STXBP5L: variants seen among roughly 807,000 people sequenced by gnomAD.
The protein encoded by STXBP5L is syntaxin binding protein 5L, also known as syntaxin-binding protein 5-like.
STXBP5L carries 65 observed loss-of-function variants against 144.5 expected under a neutral mutation model. The observed-to-expected ratio is 0.45, with a 90% CI of 0.37 to 0.55. The LOEUF (loss-of-function observed/expected upper bound fraction) is 0.55. STXBP5L is among the 20% of genes least tolerant of loss of function. The probability of loss-of-function intolerance (pLI) is 0.00; values close to 1 mark genes in which losing one functional copy is unlikely to be tolerated. For synonymous variants in STXBP5L, 505 were observed against 469.6 expected, an observed-to-expected ratio of 1.08 and a Z score of -0.97; for missense variants, 1,298 against 1,405.5, an observed-to-expected ratio of 0.92 and a Z score of 1.22.
At position 121,119,922 on chromosome 3, in the gene STXBP5L, T is replaced by G. The variant is rs149413077; in HGVS notation, c.606-1719T>G. Among the ~76,000 whole-genome samples, 689 of 151,418 alleles carry G rather than the reference T, an allele frequency of 4.6e-3. 4 individuals are homozygous for G. Among genetic ancestry groups the G allele is most frequent in the African/African-American group, 0.016 (658 of 41,502 alleles). ...TTATTTTCAGAAGTAGAATATTCTA[T>G]AGTTTAAGGATCTAAACACAAGAGT... On this transcript the variant is annotated intron_variant, in intron 6 of 26. Coordinates refer to ENST00000471454, the MANE Select transcript of STXBP5L (RefSeq NM_001308330.2).
intron 20 of STXBP5L, among the ~76,000 whole-genome samples, chr3:121,352,317 TATGGA>T (rs1324327365): frequency 6.6e-6 from 1 of 152,110 alleles, no homozygotes; most frequent in Non-Finnish European, 1.5e-5. Flanking sequence ...TATCCATGAG[TATGGA>T]ATGTTCTTCC....
chr3:121,002,827 T>C (rs373564157), intron 3 of STXBP5L, among the ~76,000 whole-genome samples: 3,061 of 152,016 alleles, frequency 0.02, 36 homozygotes, highest in South Asian at 0.036. Context: ...GTCCTTGCGA[T>C]AGTTTGCTGA....
Position 121,293,902 on chromosome 3 carries a change from G to T in STXBP5L, c.2110+13946G>T, listed in dbSNP as rs190585310. ...AAATAAAATAGAAGGTTCTAGGATG[G>T]TAAAGGACTTAACTATATCATCTAG... On this transcript the variant is annotated intron_variant, in intron 19 of 26. Coordinates refer to ENST00000471454, the MANE Select transcript of STXBP5L (RefSeq NM_001308330.2). Among the ~76,000 whole-genome samples, 511 of 152,278 alleles carry T rather than the reference G, an allele frequency of 3.4e-3. 13 individuals carry two copies. Among genetic ancestry groups the T allele is most frequent in the Admixed American group, 0.03 (459 of 15,280 alleles).
At chr3:120,935,033 T>A (rs1710187590) in intron 2 of STXBP5L, among the ~76,000 whole-genome samples, 1 of 152,124 alleles carries the variant, frequency 6.6e-6, no homozygotes, top group Non-Finnish European at 1.5e-5. Context: ...TCTATCATAT[T>A]TGTTACCATT....
At chr3:121,026,170 C>A (rs367787650) in intron 3 of STXBP5L, among the ~76,000 whole-genome samples, 1 of 151,414 alleles carries the variant, frequency 6.6e-6, no homozygotes, top group Non-Finnish European at 1.5e-5. Context: ...TCTATATGAT[C>A]AAGTACTTGC....
At chr3:121,250,853 T>G in intron 15 of STXBP5L, 90 bp downstream of exon 15, 1 of 1,151,742 alleles carries the variant, frequency 8.7e-7, no homozygotes, top group Non-Finnish European at 1.3e-6. Flanking sequence ...AATTAAAATT[T>G]CAGATATATT....
intron 21 of STXBP5L, 91 bp from the exon 22 acceptor site, chr3:121,381,202 C>T: frequency 7.8e-7 from 1 of 1,283,094 alleles, no homozygotes; most frequent in Non-Finnish European, 1.1e-6. Context: ...TTTACTTCCT[C>T]CTCATAATTT....
intron 3 of STXBP5L, among the ~76,000 whole-genome samples, chr3:120,978,000 G>C (rs1330261741): frequency 6.6e-6 from 1 of 152,086 alleles, no homozygotes; most frequent in Non-Finnish European, 1.5e-5. Flanking sequence ...TTTCAACTTT[G>C]GTGAATATGA....
chr3:121,112,621 G>A (rs954819803), intron 5 of STXBP5L, among the ~76,000 whole-genome samples: 3 of 151,612 alleles, frequency 2.0e-5, no homozygotes, highest in South Asian at 2.1e-4. Flanking sequence ...GGTCCCTCCC[G>A]GCAACAATAC....
chr3:121,373,235 G>A (rs551133080), intron 20 of STXBP5L, among the ~76,000 whole-genome samples: 1 of 152,210 alleles, frequency 6.6e-6, no homozygotes, highest in Non-Finnish European at 1.5e-5. Context: ...ACACCTAGGA[G>A]GGATGCTCCA....
intron 2 of STXBP5L, among the ~76,000 whole-genome samples, chr3:120,933,470 T>G (rs1388025889): frequency 6.6e-6 from 1 of 152,094 alleles, no homozygotes; most frequent in Non-Finnish European, 1.5e-5. Context: ...AAACATAAAT[T>G]GTGTGATATA....
chr3:120,979,189 G>T (rs542281892), intron 3 of STXBP5L, among the ~76,000 whole-genome samples: 2 of 152,334 alleles, frequency 1.3e-5, no homozygotes, highest in Admixed American at 1.3e-4. Context: ...TTGAGCTGTG[G>T]TGGGCTTCCC....
intron 9 of STXBP5L, among the ~76,000 whole-genome samples, chr3:121,191,312 C>A (rs893662330): frequency 8.5e-5 from 13 of 152,174 alleles, no homozygotes; most frequent in African/African-American, 2.7e-4. Context: ...CTGAGGCTGG[C>A]AGATCACTCG....
chr3:120,920,432 T>C (rs1709305549), intron 2 of STXBP5L, among the ~76,000 whole-genome samples: 2 of 151,794 alleles, frequency 1.3e-5, no homozygotes, highest in Admixed American at 1.3e-4. Flanking sequence ...TTATATGGTT[T>C]GTAAATATCA....
intron 20 of STXBP5L, among the ~76,000 whole-genome samples, chr3:121,321,652 C>T (rs1015177577): frequency 2.6e-5 from 4 of 152,132 alleles, no homozygotes; most frequent in Non-Finnish European, 4.4e-5. Context: ...AGAATCACTG[C>T]CCTATGAAAC....
At chr3:121,281,279 G>T (rs1438380761) in intron 19 of STXBP5L, among the ~76,000 whole-genome samples, 1 of 151,870 alleles carries the variant, frequency 6.6e-6, no homozygotes, top group African/African-American at 2.4e-5. Flanking sequence ...TTTAGTGAGG[G>T]ATCTCAACTT....
chr3:120,978,825 C>T (rs933697958), intron 3 of STXBP5L, among the ~76,000 whole-genome samples: 2 of 152,180 alleles, frequency 1.3e-5, no homozygotes, highest in African/African-American at 4.8e-5. Flanking sequence ...ACCCTGTTTG[C>T]CTCGGTATCA....
At chr3:121,003,343 A>G (rs965370926) in intron 3 of STXBP5L, among the ~76,000 whole-genome samples, 1 of 152,206 alleles carries the variant, frequency 6.6e-6, no homozygotes, top group Non-Finnish European at 1.5e-5. Flanking sequence ...TTTTGGCTGC[A>G]TAAATGTCTT....
chr3:121,368,964 C>T (rs1265600767), intron 20 of STXBP5L, among the ~76,000 whole-genome samples: 1 of 152,140 alleles, frequency 6.6e-6, no homozygotes, highest in Non-Finnish European at 1.5e-5. Flanking sequence ...ACAACAATGG[C>T]TGCCCAGTTC....
Sources: gnomAD v4.1 joint callset for allele counts (sites outside exome capture counted in the v4.1 genomes callset) on GRCh38, gnomAD v4.1.1 for gene constraint, MANE v1.5 for transcripts, NCBI Gene and HGNC (gene_info 2026-07-23, HGNC 2026-07-21) for gene names.